SGIP1: variants seen among roughly 807,000 people sequenced by gnomAD.
SGIP1 encodes the protein SH3-containing GRB2-like protein 3-interacting protein 1.
Under a neutral mutation model 107.5 loss-of-function variants are expected in SGIP1, and 38 were observed. That is an observed-to-expected ratio of 0.35 (90% CI 0.27 to 0.46). The LOEUF (loss-of-function observed/expected upper bound fraction) is 0.46, where lower values mean the gene tolerates loss of function less well. Ranked by LOEUF, SGIP1 falls within the 20% of genes least tolerant of loss-of-function variation. SGIP1 has a pLI of 1.00. For missense variants in SGIP1, 929 were observed against 1,019.5 expected (o/e 0.91, Z 1.21); for synonymous variants, 365 against 366.1 (o/e 1.00, Z 0.03).
At chr1:66,578,946 TG>T (rs1414292961) in intron 1 of SGIP1, among the ~76,000 whole-genome samples, 1 of 152,132 alleles carries the variant, frequency 6.6e-6, no homozygotes, top group African/African-American at 2.4e-5. Context: ...ACATGGTATT[TG>T]TTTGTAGTGA....
intron 12 of SGIP1, among the ~76,000 whole-genome samples, chr1:66,676,291 G>C (rs1344363277): frequency 6.6e-6 from 1 of 152,198 alleles, no homozygotes; most frequent in Admixed American, 6.5e-5. Flanking sequence ...AGCAGTACTT[G>C]CATAGTCCCT....
At chr1:66,742,561 T>C (rs2094489671) in intron 24 of SGIP1, among the ~76,000 whole-genome samples, 3 of 141,310 alleles carry the variant, frequency 2.1e-5, no homozygotes, top group Admixed American at 1.4e-4. Context: ...GCTCCGCCTC[T>C]TGGGTTCATG....
At chr1:66,589,305 GAAGAGGCT>G in intron 1 of SGIP1, among the ~76,000 whole-genome samples, 1 of 147,432 alleles carries the variant, frequency 6.8e-6, no homozygotes, top group Non-Finnish European at 1.5e-5. Flanking sequence ...AATGTTTGCT[GAAGAGGCT>G]AAGACCTGCC....
chr1:66,550,273 T>C (rs2057208859), intron 1 of SGIP1, among the ~76,000 whole-genome samples: 1 of 152,174 alleles, frequency 6.6e-6, no homozygotes, highest in Admixed American at 6.6e-5. Flanking sequence ...CACCTATGTA[T>C]GGCGAACTCT....
chr1:66,541,668 G>T (rs955195365), intron 1 of SGIP1, among the ~76,000 whole-genome samples: 33 of 152,204 alleles, frequency 2.2e-4, no homozygotes, highest in African/African-American at 7.5e-4. Flanking sequence ...GTCAGGACTA[G>T]TGGTTTAGGA....
rs2089249577 is a variant in SGIP1 at position 66,689,155 on chromosome 1, A to G, written c.1323A>G (p.Ser441=). The G allele has an allele frequency of 6.2e-7, 1 of 1,612,212 alleles. No homozygotes were observed. Among genetic ancestry groups the G allele is most frequent in the Non-Finnish European group, 8.5e-7 (1 of 1,179,266 alleles). Residue 441 remains serine, a synonymous_variant, in exon 16 of 25, where the codon TCA becomes TCG. Transcript: ENST00000371037. ...GPGPGTTSGA[S]SPARPATPLV... ...TGCTAGTTTGTTTTTCAGGTGCATCATCCCCTGCTCGACCAGCCACTCCTT... is the reference window on the plus strand; with the variant it reads ...TGCTAGTTTGTTTTTCAGGTGCATCGTCCCCTGCTCGACCAGCCACTCCTT...
rs571601824 is a variant in SGIP1 at position 66,573,738 on chromosome 1, T to C, written c.10+39370T>C. 3.9e-5 allele frequency among the ~76,000 whole-genome samples: 6 copies of C among 151,960 alleles called. No homozygotes were observed. In the South Asian group the frequency reaches 1.0e-3, roughly 26 times the overall value. ...CATAGACACGCAGAGGGGAACAACA[T>C]GCACTGGGGCCTATCACTGAGCAGA... On this transcript the variant is annotated intron_variant, in intron 1 of 24. Coordinates refer to ENST00000371037, the MANE Select transcript of SGIP1 (RefSeq NM_032291.4).
At chr1:66,683,645 T>C (rs2087339837) in intron 15 of SGIP1, among the ~76,000 whole-genome samples, 1 of 150,580 alleles carries the variant, frequency 6.6e-6, no homozygotes, top group Non-Finnish European at 1.5e-5. Context: ...ATTTTGCAAA[T>C]AGTAGAAACC....
In SGIP1 at chr1:66,719,821, A is replaced by G. The variant is rs1010320102; in HGVS notation, c.1742+416A>G. On this transcript the variant is annotated intron_variant, in intron 19 of 24. Coordinates refer to ENST00000371037, the MANE Select transcript of SGIP1 (RefSeq NM_032291.4). ...AGGAATCACCCACATATAAATTAAAACAACGGTTCACTGGGATGAGAACAT... is the reference window on the plus strand; with the variant it reads ...AGGAATCACCCACATATAAATTAAAGCAACGGTTCACTGGGATGAGAACAT... Among the ~76,000 whole-genome samples, 3 of 152,198 alleles carry G rather than the reference A, an allele frequency of 2.0e-5. No individual in the cohort carries two copies. In the East Asian group the frequency reaches 5.8e-4, roughly 29 times the overall value.
chr1:66,638,965 T>C (rs1313566992), intron 4 of SGIP1, among the ~76,000 whole-genome samples: 1 of 152,236 alleles, frequency 6.6e-6, no homozygotes, highest in African/African-American at 2.4e-5. Context: ...TTTGTGTTTG[T>C]CGTTTGCTCA....
At chr1:66,618,679 G>A (rs2070087185) in intron 1 of SGIP1, among the ~76,000 whole-genome samples, 1 of 152,202 alleles carries the variant, frequency 6.6e-6, no homozygotes, top group African/African-American at 2.4e-5. Flanking sequence ...GAAAGAATTG[G>A]TCTGCATTAA....
At chr1:66,534,634 G>A (rs1320493336) in intron 1 of SGIP1, among the ~76,000 whole-genome samples, 1 of 152,218 alleles carries the variant, frequency 6.6e-6, no homozygotes, top group Non-Finnish European at 1.5e-5. Context: ...AGCTGAGATG[G>A]AGCTAGGAAA....
chr1:66,610,566 G>A (rs941445017), intron 1 of SGIP1, among the ~76,000 whole-genome samples: 1 of 152,058 alleles, frequency 6.6e-6, no homozygotes, highest in Non-Finnish European at 1.5e-5. Flanking sequence ...ATCCTTCAGT[G>A]GAAACTGATT....
intron 1 of SGIP1, among the ~76,000 whole-genome samples, chr1:66,571,228 G>C (rs1325900067): frequency 6.6e-6 from 1 of 151,914 alleles, no homozygotes; most frequent in Non-Finnish European, 1.5e-5. Flanking sequence ...ATATGAAAAG[G>C]TCCTAGGACA....
At chr1:66,721,732 GA>G (rs1311034734) in intron 19 of SGIP1, among the ~76,000 whole-genome samples, 2 of 152,056 alleles carry the variant, frequency 1.3e-5, no homozygotes, top group East Asian at 3.9e-4. Flanking sequence ...TGAAAAATAA[GA>G]GTAGTCAGGA....
intron 1 of SGIP1, among the ~76,000 whole-genome samples, chr1:66,561,457 A>C (rs1031294652): frequency 2.6e-5 from 4 of 152,060 alleles, no homozygotes; most frequent in Non-Finnish European, 5.9e-5. Context: ...ATGTGTGGGA[A>C]GTCAGAGATT....
rs1418000223 is a variant in SGIP1, at chr1:66,745,882, A to G, written c.*2787A>G. 6.6e-6 allele frequency: 1 copy of G among 152,130 alleles called. No homozygotes were observed. The highest frequency in any genetic ancestry group is 1.5e-5 in the Non-Finnish European group (1 of 67,988). 9.4% of individuals were successfully genotyped at this position (152,130 alleles called of 1,614,324 possible). On this transcript the variant is annotated 3_prime_UTR_variant, in exon 25 of 25. Coordinates refer to ENST00000371037, the MANE Select transcript of SGIP1 (RefSeq NM_032291.4). ...ATCAAGGATTAGTCTGAATTTTATCATAATAGAAATTTATAATTACTAAGA... is the reference window on the plus strand; with the variant it reads ...ATCAAGGATTAGTCTGAATTTTATCGTAATAGAAATTTATAATTACTAAGA...
intron 19 of SGIP1, among the ~76,000 whole-genome samples, chr1:66,723,423 C>T (rs2093628247): frequency 6.6e-6 from 1 of 152,172 alleles, no homozygotes; most frequent in Admixed American, 6.5e-5. Context: ...CAGTAGCTCA[C>T]AGGCAGCAAA....
At chr1:66,621,940 A>G (rs1285803467) in intron 1 of SGIP1, among the ~76,000 whole-genome samples, 1 of 152,218 alleles carries the variant, frequency 6.6e-6, no homozygotes, top group Non-Finnish European at 1.5e-5. Flanking sequence ...CTTTTATTAC[A>G]TATGTATTAA....
Sources: allele counts gnomAD v4.1 joint callset (sites outside exome capture counted in the v4.1 genomes callset), GRCh38; gene constraint gnomAD v4.1.1; transcripts MANE v1.5; gene names NCBI Gene and HGNC (gene_info 2026-07-23, HGNC 2026-07-21).